Variants in TDRD12 observed in about 807,000 individuals in gnomAD.
TDRD12 encodes the protein putative ATP-dependent RNA helicase TDRD12.
Under a neutral mutation model 133.5 loss-of-function variants are expected in TDRD12, and 158 were observed. The observed-to-expected ratio is 1.18, with a 90% CI of 1.04 to 1.35. TDRD12 has a LOEUF of 1.35. Among genes scored for constraint, TDRD12 ranks in the 40% most tolerant of loss-of-function variants. The probability of loss-of-function intolerance (pLI) is 0.00; values close to 1 mark genes in which losing one functional copy is unlikely to be tolerated. For missense variants in TDRD12, 1,443 were observed against 1,321.3 expected, an observed-to-expected ratio of 1.09 and a Z score of -1.43; for synonymous variants, 460 against 477.9, an observed-to-expected ratio of 0.96 and a Z score of 0.49.
At chr19:32,757,011 A>C in intron 7 of TDRD12, 27 bp from the exon 8 acceptor site, 1 of 1,528,698 alleles carries the variant, frequency 6.5e-7, no homozygotes, top group Non-Finnish European at 8.9e-7. Context: ...TTCATGCTTT[A>C]ATTCTGAAAT....
chr19:32,768,385 CTTT>C (rs77912787), intron 8 of TDRD12, among the ~76,000 whole-genome samples: 3 of 142,856 alleles, frequency 2.1e-5, no homozygotes, highest in East Asian at 2.0e-4. Context: ...GGTCTTTATT[CTTT>C]TTTTTTTTTT....
intron 6 of TDRD12, among the ~76,000 whole-genome samples, chr19:32,755,170 G>C (rs1178848394): frequency 6.6e-6 from 1 of 152,314 alleles, no homozygotes; most frequent in South Asian, 2.1e-4. Flanking sequence ...TTAACTCGTT[G>C]ATGGATATTT....
intron 21 of TDRD12, among the ~76,000 whole-genome samples, chr19:32,805,838 TCTC>T (rs1971532934): frequency 1.3e-5 from 2 of 151,388 alleles, no homozygotes; most frequent in African/African-American, 2.4e-5. Context: ...TTCAAACAAT[TCTC>T]CTGCCTCAGC....
chr19:32,765,055 A>G (rs1404035407), intron 8 of TDRD12, among the ~76,000 whole-genome samples: 2 of 152,254 alleles, frequency 1.3e-5, no homozygotes, highest in African/African-American at 4.8e-5. Context: ...AAAAACAAAC[A>G]ACCCCATCAG....
At chr19:32,748,041 T>C (rs1969706762) in intron 4 of TDRD12, among the ~76,000 whole-genome samples, 1 of 152,046 alleles carries the variant, frequency 6.6e-6, no homozygotes, top group Non-Finnish European at 1.5e-5. Context: ...ACAAAGATAG[T>C]ATCTGGCTCT....
intron 8 of TDRD12, among the ~76,000 whole-genome samples, chr19:32,763,412 G>A (rs1293862906): frequency 6.6e-6 from 1 of 152,070 alleles, no homozygotes; most frequent in Non-Finnish European, 1.5e-5. Flanking sequence ...CCTTATGTGG[G>A]ACAGGATGGC....
chr19:32,745,552 T>TA (rs1448910036), intron 4 of TDRD12, among the ~76,000 whole-genome samples: 5 of 152,206 alleles, frequency 3.3e-5, no homozygotes, highest in Admixed American at 6.5e-5. Context: ...GTTTGCTCAG[T>TA]AAAAATGGTA....
intron 1 of TDRD12, among the ~76,000 whole-genome samples, chr19:32,723,341 C>G (rs1274679583): frequency 1.3e-5 from 2 of 151,072 alleles, no homozygotes; most frequent in African/African-American, 4.9e-5. Context: ...AGCTCTGCCT[C>G]CCGGGTTCAT....
intron 2 of TDRD12, among the ~76,000 whole-genome samples, chr19:32,736,985 C>A (rs1476310547): frequency 7.2e-6 from 1 of 138,454 alleles, no homozygotes; most frequent in Non-Finnish European, 1.5e-5. Context: ...CTTACCCTAG[C>A]CTACTTAAAT....
At chr19:32,720,400 A>C (rs1398249072) in intron 1 of TDRD12, among the ~76,000 whole-genome samples, 2 of 13,220 alleles carry the variant, frequency 1.5e-4, no homozygotes, top group Admixed American at 1.0e-3. Context: ...TCCCACACCC[A>C]CTCCCACCCA....
chr19:32,790,115 G>T (rs1276037991), intron 11 of TDRD12, among the ~76,000 whole-genome samples: 1 of 152,190 alleles, frequency 6.6e-6, no homozygotes, highest in African/African-American at 2.4e-5. Flanking sequence ...CGCCATGTCT[G>T]TGCCTTGTGA....
chr19:32,756,038 T>C (rs779079344), exon 7 of TDRD12: 101 of 1,477,032 alleles, frequency 6.8e-5, no homozygotes, highest in Non-Finnish European at 8.8e-5. Flanking sequence ...GCTTGTTATA[T>C]GTCACCTACA....
intron 8 of TDRD12, among the ~76,000 whole-genome samples, chr19:32,763,074 A>G (rs1970195821): frequency 6.6e-6 from 1 of 152,222 alleles, no homozygotes; most frequent in Non-Finnish European, 1.5e-5. Context: ...TTTCATCTTC[A>G]TTAAAATCTT....
chr19:32,800,589 A>C, intron 17 of TDRD12, 55 bp from the exon 18 acceptor site: 1 of 1,457,706 alleles, frequency 6.9e-7, no homozygotes, highest in Non-Finnish European at 9.1e-7. Flanking sequence ...TGGAAAGTGG[A>C]TCTGGAGCAC....
At chr19:32,761,234 G>A (rs957176553) in intron 8 of TDRD12, among the ~76,000 whole-genome samples, 1 of 152,150 alleles carries the variant, frequency 6.6e-6, no homozygotes, top group African/African-American at 2.4e-5. Context: ...TCCTGCCTCA[G>A]CCTCCCAAGT....
At chr19:32,817,311 C>G (rs1967214219) in intron 26 of TDRD12, among the ~76,000 whole-genome samples, 1 of 152,044 alleles carries the variant, frequency 6.6e-6, no homozygotes, top group African/African-American at 2.4e-5. Context: ...CAGCCCCCTA[C>G]TCTCCTTTGT....
At position 32,802,758 on chromosome 19, in the gene TDRD12, A is replaced by AT; in HGVS notation, c.2302dup (p.Cys768LeufsTer4). ...CCAAAAGTTTTTGGTGGACGCCTGT[A>AT]TTGCATGTCTGATCATTTTCACGCT... On this transcript the variant is annotated frameshift_variant, in exon 20 of 28. Transcript: ENST00000444215. LOFTEE classifies it high-confidence loss of function. 6.5e-7 allele frequency: 1 copy of AT among 1,536,678 alleles called. No individual in the cohort carries two copies. Among genetic ancestry groups the AT allele is most frequent in the Non-Finnish European group, 8.7e-7 (1 of 1,147,028 alleles).
chr19:32,734,778 A>G (rs934517471), intron 2 of TDRD12, among the ~76,000 whole-genome samples: 14 of 152,172 alleles, frequency 9.2e-5, no homozygotes, highest in African/African-American at 3.4e-4. Flanking sequence ...GAGCAAGACT[A>G]TAGGCACCAT....
intron 14 of TDRD12, among the ~76,000 whole-genome samples, chr19:32,795,734 G>T (rs1294028821): frequency 6.6e-6 from 1 of 152,204 alleles, no homozygotes; most frequent in Non-Finnish European, 1.5e-5. Context: ...GGTTCTGCAG[G>T]CTGGAGCGGA....
Sources: allele counts gnomAD v4.1 joint callset (sites outside exome capture counted in the v4.1 genomes callset), GRCh38; gene constraint gnomAD v4.1.1; transcripts MANE v1.5; gene names NCBI Gene and HGNC (gene_info 2026-07-23, HGNC 2026-07-21).